The following GBP4 variants were observed in gnomAD, a reference collection of about 807,000 sequenced individuals.
The protein encoded by GBP4 is guanylate binding protein 4, also known as guanylate-binding protein 4.
Under a neutral mutation model 62.2 loss-of-function variants are expected in GBP4, and 69 were observed. The observed-to-expected ratio is 1.11, with a 90% CI of 0.91 to 1.36. The LOEUF (loss-of-function observed/expected upper bound fraction) is 1.36. GBP4 is among the 40% of genes most tolerant of loss of function. GBP4 has a pLI of 0.00. For synonymous variants in GBP4, 278 were observed against 274.6 expected, an observed-to-expected ratio of 1.01 and a Z score of -0.12; for missense variants, 697 against 759.3, an observed-to-expected ratio of 0.92 and a Z score of 0.96.
At chr1:89,186,575 A>G (rs1443385183) in intron 9 of GBP4, 49 bp from the exon 10 acceptor site, 3 of 1,540,956 alleles carry the variant, frequency 1.9e-6, no homozygotes, top group Non-Finnish European at 2.7e-6. Context: ...GTTATTCCTG[A>G]GTTCTACCCT....
chr1:89,196,573 G>T (rs1374309471), intron 2 of GBP4, among the ~76,000 whole-genome samples: 2 of 152,004 alleles, frequency 1.3e-5, no homozygotes, highest in Non-Finnish European at 2.9e-5. Flanking sequence ...CACTGTAAAG[G>T]TATGTTGTAC....
chr1:89,182,693 G>C lies in GBP4; in HGVS notation c.*2561C>G, dbSNP rs1647916206. On this transcript the variant is annotated 3_prime_UTR_variant, in exon 11 of 11. Transcript: ENST00000355754. ...GACGGGGTTTCACCGTGTTAGCCAG[G>C]ATGGTCTCGATCTCCTGACCTCGTG... The C allele has an allele frequency of 6.6e-6, 1 of 152,104 alleles. No individual in the cohort carries two copies. Among genetic ancestry groups the C allele is most frequent in the Non-Finnish European group, 1.5e-5 (1 of 68,062 alleles). 9.4% of individuals were successfully genotyped at this position (152,104 alleles called of 1,614,324 possible). A position where few individuals can be genotyped will look rare whatever the true frequency, so the allele number is the denominator to read the frequency against.
In GBP4 at chr1:89,181,600, T is replaced by C. The variant is rs1647882032; in HGVS notation, c.*3654A>G. On this transcript the variant is annotated 3_prime_UTR_variant, in exon 11 of 11. Coordinates refer to ENST00000355754, the MANE Select transcript of GBP4 (RefSeq NM_052941.5). Reference sequence around the variant, plus strand: ...TACATTTATATTTATATGTACTATATAAATACCCAATAGTAGAATTGCTAG... The same window carrying C: ...TACATTTATATTTATATGTACTATACAAATACCCAATAGTAGAATTGCTAG... The C allele has an allele frequency of 6.6e-6, 1 of 152,076 alleles. No individual in the cohort carries two copies. The highest frequency in any genetic ancestry group is 1.5e-5 in the Non-Finnish European group (1 of 68,020). The allele number at this position is 152,076 out of a possible 1,614,324, so 9.4% of individuals were successfully genotyped here.
chr1:89,194,548 A>G (rs546454118), intron 3 of GBP4, among the ~76,000 whole-genome samples: 16 of 152,162 alleles, frequency 1.1e-4, no homozygotes, highest in Non-Finnish European at 1.9e-4. Context: ...TTTTTCAATA[A>G]TGGAAGCCAA....
chr1:89,195,594 C>A (rs754134036), intron 2 of GBP4, among the ~76,000 whole-genome samples, 170 bp from the exon 3 acceptor site: 3 of 152,162 alleles, frequency 2.0e-5, no homozygotes, highest in Non-Finnish European at 2.9e-5. Flanking sequence ...AGAATTTTCT[C>A]AAACTTGTTT....
rs1648176661 is a variant in GBP4, at chr1:89,191,328, G to A, written c.849C>T (p.Phe283=). The change falls in exon 6 of 11, where the codon TTC becomes TTT. Residue 283 remains phenylalanine, a synonymous_variant. Transcript: ENST00000355754. ...TTGCATGGGTGAAGATATAAGAACAGAAGTTGTCTGATTGCATAAGGAAAT... is the reference window on the plus strand; with the variant it reads ...TTGCATGGGTGAAGATATAAGAACAAAAGTTGTCTGATTGCATAAGGAAAT... ...ERHFLMQSDN[F]CSYIFTHAKT... is the part of the protein sequence containing the mutation. The A allele has an allele frequency of 6.2e-7, 1 of 1,614,098 alleles. No homozygotes were observed. Among genetic ancestry groups the A allele is most frequent in the African/African-American group, 1.3e-5 (1 of 74,930 alleles).
chr1:89,191,636 A>T, intron 5 of GBP4, 130 bp from the exon 6 acceptor site: 1 of 916,998 alleles, frequency 1.1e-6, no homozygotes, highest in Non-Finnish European at 1.6e-6. Context: ...GCAATCATAC[A>T]AAACAGCCTT....
rs372890503 is a variant in GBP4, at chr1:89,197,064, A to G, written c.235+46T>C. 3.9e-6 allele frequency: 6 copies of G among 1,536,482 alleles called. No homozygotes were observed. In the African/African-American group the frequency reaches 8.2e-5, roughly 21 times the overall value. On this transcript the variant is annotated intron_variant, in intron 2 of 10. Transcript: ENST00000355754. Reference sequence around the variant, plus strand: ...TAGAGGGGGTGTGATCAGCTGTGTTATCACTGGTTCCAAGTAAATGGCTCC... The same window carrying G: ...TAGAGGGGGTGTGATCAGCTGTGTTGTCACTGGTTCCAAGTAAATGGCTCC...
rs1570369475 is a variant in GBP4 at position 89,181,778 on chromosome 1, C to T, written c.*3476G>A. The T allele has an allele frequency of 1.3e-5, 2 of 152,058 alleles. No homozygotes were observed. Among genetic ancestry groups the T allele is most frequent in the East Asian group, 3.9e-4 (2 of 5,186 alleles). 9.4% of individuals were successfully genotyped at this position (152,058 alleles called of 1,614,324 possible). ...TTGAAACAAGAACCTTATAGTTTTC[C>T]TTTGAACAACTTTTATTGTTAGTAA... On this transcript the variant is annotated 3_prime_UTR_variant, in exon 11 of 11. Coordinates refer to ENST00000355754, the MANE Select transcript of GBP4 (RefSeq NM_052941.5).
chr1:89,196,148 T>A (rs1648331065), intron 2 of GBP4, among the ~76,000 whole-genome samples: 1 of 152,186 alleles, frequency 6.6e-6, no homozygotes. Context: ...ATGACAGCCT[T>A]ATTCATTAAA....
Position 89,183,386 on chromosome 1 carries a change from A to T in GBP4, c.*1868T>A, listed in dbSNP as rs1264541778. 5 of 152,258 alleles carry T rather than the reference A, an allele frequency of 3.3e-5. No homozygotes were observed. Among genetic ancestry groups the T allele is most frequent in the Admixed American group, 3.3e-4 (5 of 15,290 alleles). The allele number at this position is 152,258 out of a possible 1,614,324, so 9.4% of individuals were successfully genotyped here. On this transcript the variant is annotated 3_prime_UTR_variant, in exon 11 of 11. Transcript: ENST00000355754. ...AAACTGGGCCCCCAGCTTACTCTGC[A>T]TACAAAAATCAACTTAAGAAGGATT... is the stretch of plus-strand genomic sequence containing the variant.
chr1:89,198,308 C>T (rs1648402014), intron 1 of GBP4, among the ~76,000 whole-genome samples: 1 of 151,872 alleles, frequency 6.6e-6, no homozygotes, highest in Non-Finnish European at 1.5e-5. Flanking sequence ...CAAGTTAAGT[C>T]CCTGAGGAAG....
At position 89,186,323 on chromosome 1, in the gene GBP4, G is replaced by A. The variant is rs377205873; in HGVS notation, c.1707+10C>T. On this transcript the variant is annotated intron_variant, in intron 10 of 10. Coordinates refer to ENST00000355754, the MANE Select transcript of GBP4 (RefSeq NM_052941.5). ...TCCCTCAGGCACTGCCATTCTTCAC[G>A]GAGACTCACCTTCAGCTTGTGTTTT... is the stretch of plus-strand genomic sequence containing the variant. 1.9e-5 allele frequency: 31 copies of A among 1,610,398 alleles called. No individual in the cohort carries two copies. The highest frequency in any genetic ancestry group is 1.3e-4 in the African/African-American group (10 of 74,914).
At chr1:89,188,116 A>G (rs1436414795) in intron 8 of GBP4, among the ~76,000 whole-genome samples, 1 of 152,170 alleles carries the variant, frequency 6.6e-6, no homozygotes, top group Non-Finnish European at 1.5e-5. Flanking sequence ...AATCAAACTG[A>G]TAATCCAACA....
intron 1 of GBP4, 72 bp from the exon 2 acceptor site, chr1:89,197,376 A>G (rs1648376405): frequency 8.1e-7 from 1 of 1,237,048 alleles, no homozygotes; most frequent in African/African-American, 1.5e-5. Context: ...CCTAAGGCAC[A>G]TACATATTAG....
chr1:89,193,685 G>T (rs1197267164), intron 3 of GBP4, among the ~76,000 whole-genome samples: 5 of 152,134 alleles, frequency 3.3e-5, no homozygotes, highest in African/African-American at 9.7e-5. Context: ...AGTAATCAGC[G>T]TGCAATTATT....
chr1:89,198,698 C>A lies in GBP4; in HGVS notation c.40+97G>T, dbSNP rs1487294659. 5.5e-6 allele frequency: 6 copies of A among 1,085,224 alleles called. No individual in the cohort carries two copies. In the African/African-American group the frequency reaches 9.3e-5, roughly 17 times the overall value. 67.2% of individuals were successfully genotyped at this position (1,085,224 alleles called of 1,614,324 possible). ...CCTTTGTCACCCGCCAGTGTGAAGT[C>A]TCCAACCCTCCCCGTGTGCAGTCTG... On this transcript the variant is annotated intron_variant, in intron 1 of 10. Transcript: ENST00000355754.
At position 89,185,180 on chromosome 1, in the gene GBP4, A is replaced by G. The variant is rs1298955485; in HGVS notation, c.*74T>C. The G allele has an allele frequency of 1.2e-5, 11 of 905,074 alleles. No individual in the cohort carries two copies. The highest frequency in any genetic ancestry group is 1.9e-5 in the Non-Finnish European group (11 of 570,810). 56.1% of individuals were successfully genotyped at this position (905,074 alleles called of 1,614,324 possible). ...CTGCTATAACACATATACTTACAAA[A>G]TGAGCAACAGTGTTATGTTATTAAA... On this transcript the variant is annotated 3_prime_UTR_variant, in exon 11 of 11. Coordinates refer to ENST00000355754, the MANE Select transcript of GBP4 (RefSeq NM_052941.5).
intron 2 of GBP4, among the ~76,000 whole-genome samples, chr1:89,196,375 T>C (rs143513555): frequency 3.0e-4 from 45 of 152,322 alleles, no homozygotes; most frequent in African/African-American, 1.0e-3. Context: ...AACTATGTTT[T>C]AGAATGCATA....
Sources: allele counts gnomAD v4.1 joint callset (sites outside exome capture counted in the v4.1 genomes callset), GRCh38; gene constraint gnomAD v4.1.1; transcripts MANE v1.5; gene names NCBI Gene and HGNC (gene_info 2026-07-23, HGNC 2026-07-21).